The following DNM3 variants were observed in gnomAD, a reference collection of about 807,000 sequenced individuals.
DNM3 encodes dynamin 3, also known as dynamin-3.
Under a neutral mutation model 101.6 loss-of-function variants are expected in DNM3, and 47 were observed. The observed-to-expected ratio is 0.46, with a 90% confidence interval of 0.37 to 0.59. The LOEUF is 0.59. Ranked by LOEUF, DNM3 falls within the 20% of genes least tolerant of loss-of-function variation. The pLI is 0.00. For synonymous variants in DNM3, 385 were observed against 387.9 expected, an observed-to-expected ratio of 0.99 and a Z score of 0.09; for missense variants, 849 against 1,085.7, an observed-to-expected ratio of 0.78 and a Z score of 3.06.
At chr1:172,163,985 A>C (rs530361445) in intron 14 of DNM3, among the ~76,000 whole-genome samples, 3 of 144,550 alleles carry the variant, frequency 2.1e-5, no homozygotes, top group Non-Finnish European at 1.5e-5. Flanking sequence ...ACACACACAC[A>C]CATCTCACAT....
At chr1:172,185,614 C>T (rs573485955) in intron 14 of DNM3, among the ~76,000 whole-genome samples, 81 of 152,168 alleles carry the variant, frequency 5.3e-4, no homozygotes, top group African/African-American at 1.9e-3. Flanking sequence ...CTGGCCTAAA[C>T]AGAAGATTTT....
At chr1:172,291,990 T>C (rs2063936411) in intron 15 of DNM3, among the ~76,000 whole-genome samples, 1 of 152,166 alleles carries the variant, frequency 6.6e-6, no homozygotes, top group Non-Finnish European at 1.5e-5. Context: ...CACAATGAAA[T>C]ATAATAATGC....
intron 17 of DNM3, among the ~76,000 whole-genome samples, chr1:172,362,373 A>G (rs2067785586): frequency 6.6e-6 from 1 of 151,992 alleles, no homozygotes; most frequent in African/African-American, 2.4e-5. Context: ...ATATCAGGCA[A>G]AAGGGCATTC....
intron 13 of DNM3, among the ~76,000 whole-genome samples, chr1:172,103,101 C>T (rs1050870300): frequency 2.6e-5 from 4 of 151,970 alleles, no homozygotes; most frequent in African/African-American, 7.3e-5. Context: ...AAAATAAATA[C>T]ACCCTTGACC....
At chr1:172,163,022 G>A (rs977249781) in intron 14 of DNM3, among the ~76,000 whole-genome samples, 2 of 152,050 alleles carry the variant, frequency 1.3e-5, no homozygotes, top group East Asian at 3.9e-4. Flanking sequence ...TTTTCTTACA[G>A]CTTTACTGAA....
Position 172,044,531 on chromosome 1 carries a change from G to A in DNM3, c.1196+79G>A, listed in dbSNP as rs142388318. Reference sequence around the variant, plus strand: ...ATGTTTATAAATGGCTAGGAAACTCGTCTTTTCATCATTGAATAGGGTAGA... The same window carrying A: ...ATGTTTATAAATGGCTAGGAAACTCATCTTTTCATCATTGAATAGGGTAGA... On this transcript the variant is annotated intron_variant, in intron 9 of 20. Transcript: ENST00000627582. 1.4e-4 allele frequency: 174 copies of A among 1,237,672 alleles called. 1 individual carries two copies. The African/African-American group carries it at 1.9e-3, about 14-fold the overall frequency. The allele number at this position is 1,237,672 out of a possible 1,614,324, so 76.7% of individuals were successfully genotyped here. A position where few individuals can be genotyped will look rare whatever the true frequency, so the allele number is the denominator to read the frequency against.
intron 14 of DNM3, among the ~76,000 whole-genome samples, chr1:172,192,701 T>A (rs1208142173): frequency 6.6e-6 from 1 of 152,040 alleles, no homozygotes; most frequent in Non-Finnish European, 1.5e-5. Context: ...ACAAAGGACA[T>A]GAACTCATCA....
intron 15 of DNM3, among the ~76,000 whole-genome samples, chr1:172,265,293 C>A (rs2062816372): frequency 6.6e-6 from 1 of 151,358 alleles, no homozygotes; most frequent in Non-Finnish European, 1.5e-5. Flanking sequence ...TTAATATAAT[C>A]TTTACAAGCC....
At chr1:172,271,846 T>A (rs2063099888) in intron 15 of DNM3, among the ~76,000 whole-genome samples, 1 of 152,116 alleles carries the variant, frequency 6.6e-6, no homozygotes, top group Non-Finnish European at 1.5e-5. Context: ...CTTCCAAATG[T>A]TTATACATTT....
At chr1:172,304,881 C>T (rs1429092131) in intron 15 of DNM3, among the ~76,000 whole-genome samples, 1 of 152,152 alleles carries the variant, frequency 6.6e-6, no homozygotes. Context: ...GCATTTAAAG[C>T]AGTGTGTAGA....
At chr1:172,214,122 CAGAA>C (rs1419982076) in intron 14 of DNM3, among the ~76,000 whole-genome samples, 2 of 152,104 alleles carry the variant, frequency 1.3e-5, no homozygotes, top group African/African-American at 2.4e-5. Context: ...TTACAGCTGA[CAGAA>C]AGCATTTTTT....
intron 15 of DNM3, among the ~76,000 whole-genome samples, chr1:172,297,519 G>A (rs2064225933): frequency 6.6e-6 from 1 of 151,938 alleles, no homozygotes; most frequent in Non-Finnish European, 1.5e-5. Context: ...CTTAATCTGT[G>A]TTAATTCTCT....
chr1:172,362,648 C>T (rs1018066784), intron 17 of DNM3, among the ~76,000 whole-genome samples: 2 of 151,892 alleles, frequency 1.3e-5, no homozygotes, highest in Non-Finnish European at 2.9e-5. Context: ...ACCCTGGTAT[C>T]TTGATAAACA....
intron 2 of DNM3, chr1:171,987,198 A>T: frequency 1.8e-6 from 1 of 552,492 alleles, no homozygotes; most frequent in Non-Finnish European, 2.3e-6. Flanking sequence ...TTAACAAATT[A>T]AATGATTTCC....
At chr1:172,122,310 T>C (rs1051563149) in intron 13 of DNM3, among the ~76,000 whole-genome samples, 1 of 152,218 alleles carries the variant, frequency 6.6e-6, no homozygotes, top group African/African-American at 2.4e-5. Context: ...ATAATACTAA[T>C]AGGTACTAAT....
At chr1:172,218,115 T>C (rs895940872) in intron 14 of DNM3, among the ~76,000 whole-genome samples, 2 of 152,158 alleles carry the variant, frequency 1.3e-5, no homozygotes, top group Non-Finnish European at 2.9e-5. Flanking sequence ...TTGTGGAATT[T>C]AATTCTATTC....
chr1:172,173,098 A>T (rs2059022247), intron 14 of DNM3, among the ~76,000 whole-genome samples: 1 of 151,804 alleles, frequency 6.6e-6, no homozygotes, highest in Admixed American at 6.6e-5. Context: ...GGTGTGAAGG[A>T]TGGATTGGAA....
At chr1:172,141,902 T>C (rs930128473) in intron 14 of DNM3, among the ~76,000 whole-genome samples, 3 of 152,046 alleles carry the variant, frequency 2.0e-5, no homozygotes, top group African/African-American at 7.2e-5. Context: ...AAGTCCACCG[T>C]TTTAGATTGA....
intron 10 of DNM3, among the ~76,000 whole-genome samples, chr1:172,056,601 A>T (rs560090901): frequency 9.2e-5 from 14 of 152,092 alleles, no homozygotes; most frequent in African/African-American, 9.7e-5. Context: ...CTCACACGGC[A>T]GGGTACTCCA....
Sources: allele counts gnomAD v4.1 joint callset (sites outside exome capture counted in the v4.1 genomes callset), GRCh38; gene constraint gnomAD v4.1.1; transcripts MANE v1.5; gene names NCBI Gene and HGNC (gene_info 2026-07-23, HGNC 2026-07-21).